Variants in PLCG2 observed in about 807,000 individuals in gnomAD.
PLCG2 encodes phospholipase C gamma 2.
A neutral mutation model predicts 175.6 loss-of-function variants in PLCG2; 69 were observed. The observed-to-expected ratio is 0.39, with a 90% CI of 0.32 to 0.48. The LOEUF (loss-of-function observed/expected upper bound fraction) is 0.48. Ranked by LOEUF, PLCG2 falls within the 20% of genes least tolerant of loss-of-function variation. The pLI is 0.91. For synonymous variants in PLCG2, 827 were observed against 624.0 expected (o/e 1.33, Z -4.85); for missense variants, 1,798 against 1,650.9 (o/e 1.09, Z -1.54).
chr16:81,927,415 C>G (rs12716924), intron 23 of PLCG2, among the ~76,000 whole-genome samples: 105,576 of 151,718 alleles, frequency 0.7, 37,763 homozygotes, highest in East Asian at 0.82. Context: ...GGAAGGATTT[C>G]ATTATGCAGG....
Position 81,785,968 on chromosome 16 carries a change from C to A in PLCG2, c.-22C>A. On this transcript the variant is annotated 5_prime_UTR_variant, in exon 2 of 33. Transcript: ENST00000564138. Reference sequence around the variant, plus strand: ...CTTCCTGATTTCTCCCGATTCCTTCCTTCTCCCTGGAGCGGCCGACAATGT... The same window carrying A: ...CTTCCTGATTTCTCCCGATTCCTTCATTCTCCCTGGAGCGGCCGACAATGT... 1.2e-6 allele frequency: 2 copies of A among 1,604,332 alleles called. No individual in the cohort carries two copies. The highest frequency in any genetic ancestry group is 1.7e-6 in the Non-Finnish European group (2 of 1,173,400).
intron 1 of PLCG2, among the ~76,000 whole-genome samples, chr16:81,749,472 C>G (rs1909764628): frequency 6.6e-6 from 1 of 152,128 alleles, no homozygotes. Context: ...CCTGCCTCAG[C>G]CTCCTGAGTA....
At chr16:81,785,891 TA>T in intron 1 of PLCG2, 51 bp from the exon 2 acceptor site, 1 of 1,144,512 alleles carries the variant, frequency 8.7e-7, no homozygotes, top group Non-Finnish European at 1.3e-6. Flanking sequence ...CCCTGTTAAC[TA>T]AACCCCTTTC....
chr16:81,941,863 G>C (rs376204006), intron 30 of PLCG2, among the ~76,000 whole-genome samples: 1 of 152,044 alleles, frequency 6.6e-6, no homozygotes, highest in African/African-American at 2.4e-5. Flanking sequence ...TAGAGACGGG[G>C]TTTTGCCATG....
At chr16:81,834,921 A>C (rs778033631) in intron 2 of PLCG2, among the ~76,000 whole-genome samples, 1 of 152,190 alleles carries the variant, frequency 6.6e-6, no homozygotes, top group Non-Finnish European at 1.5e-5. Context: ...AGAACTGGGT[A>C]CTACTGCAAA....
intron 2 of PLCG2, among the ~76,000 whole-genome samples, chr16:81,812,215 A>G (rs1466315278): frequency 6.6e-6 from 1 of 151,688 alleles, no homozygotes; most frequent in Non-Finnish European, 1.5e-5. Flanking sequence ...GCGCCTGGCT[A>G]ATTTTTTGTA....
At chr16:81,924,848 T>C (rs1910198595) in intron 22 of PLCG2, among the ~76,000 whole-genome samples, 2 of 152,238 alleles carry the variant, frequency 1.3e-5, no homozygotes, top group Admixed American at 1.3e-4. Context: ...CAGACCCAGT[T>C]GGGCAACCAC....
At chr16:81,778,039 A>AAACAAAAC (rs1597311817), upstream of PLCG2, among the ~76,000 whole-genome samples, 3 of 80,382 alleles carry the variant, frequency 3.7e-5, no homozygotes, top group Non-Finnish European at 8.1e-5. Flanking sequence ...AAACAAAAAA[A>AAACAAAAC]AAACAAAAAA....
intron 3 of PLCG2, chr16:81,858,020 A>G: frequency 4.2e-6 from 2 of 479,218 alleles, no homozygotes; most frequent in Non-Finnish European, 7.6e-6. Flanking sequence ...CATTTGGCAC[A>G]GGAAATAACC....
chr16:81,920,661 A>G (rs554032702), intron 20 of PLCG2, among the ~76,000 whole-genome samples: 1 of 152,294 alleles, frequency 6.6e-6, no homozygotes, highest in South Asian at 2.1e-4. Flanking sequence ...GACATGAGGA[A>G]CAGAAAGAAG....
At chr16:81,874,851 G>A (rs1312982276) in intron 7 of PLCG2, among the ~76,000 whole-genome samples, 1 of 151,810 alleles carries the variant, frequency 6.6e-6, no homozygotes, top group African/African-American at 2.4e-5. Context: ...CCTGGTGAGG[G>A]GATATACCTC....
At chr16:81,834,321 G>C (rs1905401173) in intron 2 of PLCG2, among the ~76,000 whole-genome samples, 1 of 152,100 alleles carries the variant, frequency 6.6e-6, no homozygotes, top group African/African-American at 2.4e-5. Context: ...CGGAGGGCTC[G>C]GTGTTCTGCT....
chr16:81,826,438 T>G (rs962473377), intron 2 of PLCG2, among the ~76,000 whole-genome samples: 1 of 152,230 alleles, frequency 6.6e-6, no homozygotes, highest in Admixed American at 6.5e-5. Flanking sequence ...AGTGTGACCT[T>G]GAGGTCAAAG....
intron 1 of PLCG2, among the ~76,000 whole-genome samples, chr16:81,749,539 A>C (rs190365301): frequency 1.1e-4 from 17 of 152,170 alleles, no homozygotes; most frequent in Admixed American, 2.0e-4. Context: ...TTTTTAGTAG[A>C]GACGAGGTTT....
chr16:81,789,859 C>T (rs1376262168), intron 2 of PLCG2, among the ~76,000 whole-genome samples: 1 of 138,364 alleles, frequency 7.2e-6, no homozygotes, highest in Non-Finnish European at 1.5e-5. Flanking sequence ...CCCTCCATTG[C>T]CTCCCCTCTG....
intron 19 of PLCG2, among the ~76,000 whole-genome samples, chr16:81,914,791 G>C (rs1172450775): frequency 1.3e-5 from 2 of 152,116 alleles, no homozygotes; most frequent in East Asian, 3.9e-4. Flanking sequence ...GTTGGTGGTT[G>C]GTGAATGCTG....
intron 2 of PLCG2, among the ~76,000 whole-genome samples, chr16:81,846,050 G>T (rs1334335025): frequency 2.0e-5 from 3 of 152,212 alleles, no homozygotes; most frequent in African/African-American, 2.4e-5. Context: ...AGAGGATGCT[G>T]TTGTGCCCCA....
chr16:81,808,014 C>T (rs1255146920), intron 2 of PLCG2, among the ~76,000 whole-genome samples: 1 of 152,204 alleles, frequency 6.6e-6, no homozygotes, highest in African/African-American at 2.4e-5. Flanking sequence ...GGTTACAATT[C>T]AACATGAGAC....
intron 2 of PLCG2, among the ~76,000 whole-genome samples, chr16:81,841,270 T>C (rs1156533939): frequency 6.6e-6 from 1 of 151,920 alleles, no homozygotes; most frequent in African/African-American, 2.4e-5. Flanking sequence ...AGAGTCTCAC[T>C]GAGTCGCCTA....
Sources: allele counts gnomAD v4.1 joint callset (sites outside exome capture counted in the v4.1 genomes callset), GRCh38; gene constraint gnomAD v4.1.1; transcripts MANE v1.5; gene names NCBI Gene and HGNC (gene_info 2026-07-23, HGNC 2026-07-21).